Variants in EXOC6B observed in about 807,000 individuals in gnomAD.
EXOC6B encodes the protein SEC15 homolog B.
In EXOC6B, 54 loss-of-function variants were observed where a neutral mutation model predicts 113.5. The observed-to-expected ratio is 0.48, with a 90% CI of 0.38 to 0.60. EXOC6B has a LOEUF of 0.60. Among genes scored for constraint, EXOC6B ranks in the 20% least tolerant of loss-of-function variants. EXOC6B has a pLI of 0.00. For synonymous variants in EXOC6B, 357 were observed against 339.0 expected (o/e 1.05, Z -0.58); for missense variants, 797 against 977.5 (o/e 0.82, Z 2.46).
chr2:72,563,000 A>C (rs1483770841), intron 7 of EXOC6B, among the ~76,000 whole-genome samples: 2 of 152,244 alleles, frequency 1.3e-5, no homozygotes, highest in East Asian at 3.9e-4. Flanking sequence ...CTGAATGGAG[A>C]GCATTAGTGC....
chr2:72,606,792 G>A (rs546241645), intron 6 of EXOC6B, among the ~76,000 whole-genome samples: 57 of 151,798 alleles, frequency 3.8e-4, no homozygotes, highest in Non-Finnish European at 5.9e-4. Context: ...TGTATTTTTA[G>A]TAGGGACAGG....
At chr2:72,670,534 A>G (rs1218630315) in intron 6 of EXOC6B, among the ~76,000 whole-genome samples, 3 of 152,128 alleles carry the variant, frequency 2.0e-5, no homozygotes, top group African/African-American at 7.2e-5. Context: ...AGCCTTCCTA[A>G]AAGATAAGTT....
intron 6 of EXOC6B, among the ~76,000 whole-genome samples, chr2:72,698,050 T>G (rs1173957249): frequency 6.6e-6 from 1 of 152,142 alleles, no homozygotes; most frequent in African/African-American, 2.4e-5. Flanking sequence ...ATGTGGTGGT[T>G]TGGTGATGGG....
chr2:72,679,666 G>T (rs368772602), intron 6 of EXOC6B, among the ~76,000 whole-genome samples: 1 of 152,146 alleles, frequency 6.6e-6, no homozygotes, highest in Non-Finnish European at 1.5e-5. Flanking sequence ...AGCAAAGTGT[G>T]CATTCATAAT....
chr2:72,553,968 T>G (rs538920438), intron 8 of EXOC6B, among the ~76,000 whole-genome samples: 1 of 152,118 alleles, frequency 6.6e-6, no homozygotes, highest in Non-Finnish European at 1.5e-5. Context: ...AGAAGAATGG[T>G]GAAATCATTG....
intron 18 of EXOC6B, among the ~76,000 whole-genome samples, chr2:72,401,814 T>C (rs1693353368): frequency 6.8e-6 from 1 of 147,474 alleles, no homozygotes; most frequent in Non-Finnish European, 1.5e-5. Context: ...CCAGAAACAT[T>C]ATAGCATAAA....
intron 6 of EXOC6B, among the ~76,000 whole-genome samples, chr2:72,659,843 T>C (rs1674876672): frequency 6.6e-6 from 1 of 152,182 alleles, no homozygotes; most frequent in Non-Finnish European, 1.5e-5. Flanking sequence ...ATAAATACAA[T>C]TCTTAAAAGA....
chr2:72,224,994 G>GTGTGTATATATA (rs908047817), intron 20 of EXOC6B, among the ~76,000 whole-genome samples: 9 of 137,252 alleles, frequency 6.6e-5, no homozygotes, highest in African/African-American at 1.1e-4. Context: ...GTGTGTGTGT[G>GTGTGTATATATA]TATATATATA....
At chr2:72,593,063 A>T (rs1420996866) in intron 6 of EXOC6B, among the ~76,000 whole-genome samples, 2 of 152,140 alleles carry the variant, frequency 1.3e-5, no homozygotes, top group African/African-American at 4.8e-5. Flanking sequence ...CTCCAAAAAA[A>T]CCGTAAACAA....
In EXOC6B at chr2:72,184,099, A is replaced by G; in HGVS notation, c.2285T>C (p.Val762Ala). The G allele has an allele frequency of 6.4e-7, 1 of 1,563,596 alleles. No individual in the cohort carries two copies. Among genetic ancestry groups the G allele is most frequent in the Non-Finnish European group, 8.7e-7 (1 of 1,152,776 alleles). ...CTTCTCAAGCAGGGTCAGAGCAGTC[A>G]CTGGGTTTACCCGGAGGTACTTGCA... ...PNCKYLRVNPVTALTLLEKMK... is the reference protein window; with the variant it reads ...PNCKYLRVNPATALTLLEKMK... Residue 762 changes from valine to alanine, a missense_variant, in exon 21 of 22, where the codon GTG becomes GCG. Val to Ala is a moderately conservative substitution (Grantham distance 64, BLOSUM62 0). Coordinates refer to ENST00000272427, the MANE Select transcript of EXOC6B (RefSeq NM_015189.3).
chr2:72,395,899 CCTT>C (rs1692696717), intron 18 of EXOC6B, among the ~76,000 whole-genome samples: 1 of 151,828 alleles, frequency 6.6e-6, no homozygotes, highest in African/African-American at 2.4e-5. Flanking sequence ...ATAATAGATA[CCTT>C]ATTATAAAAT....
chr2:72,427,523 C>T (rs1695270328), intron 18 of EXOC6B, among the ~76,000 whole-genome samples: 1 of 152,206 alleles, frequency 6.6e-6, no homozygotes, highest in African/African-American at 2.4e-5. Context: ...ATGGTGTGTA[C>T]ATGTTCGGGA....
rs553609726 is a variant in EXOC6B, at chr2:72,790,173, CA to C, written c.113+35624del. ...ATAAGGGTATTTCCAGCCTCTAACA[CA>C]AAAAACACTTCCACCCAAGGTAACA... On this transcript the variant is annotated intron_variant, in intron 1 of 21. Transcript: ENST00000272427. Among the ~76,000 whole-genome samples, 34 of 152,164 alleles carry C rather than the reference CA, an allele frequency of 2.2e-4. 1 individual carries two copies. Among genetic ancestry groups the C allele is most frequent in the Middle Eastern group, 3.4e-3 (1 of 294 alleles).
chr2:72,621,516 G>T (rs970287037), intron 6 of EXOC6B, among the ~76,000 whole-genome samples: 2 of 152,150 alleles, frequency 1.3e-5, no homozygotes, highest in Non-Finnish European at 2.9e-5. Flanking sequence ...GGGGAAATTA[G>T]GGAGGGGGAT....
At chr2:72,711,747 C>G (rs979904307) in intron 6 of EXOC6B, among the ~76,000 whole-genome samples, 1 of 151,930 alleles carries the variant, frequency 6.6e-6, no homozygotes, top group Non-Finnish European at 1.5e-5. Context: ...CAGTCAATAC[C>G]CACAGTAAAT....
At chr2:72,442,587 T>C (rs963499924) in intron 18 of EXOC6B, among the ~76,000 whole-genome samples, 1 of 152,156 alleles carries the variant, frequency 6.6e-6, no homozygotes, top group Non-Finnish European at 1.5e-5. Flanking sequence ...AGCATTTCTA[T>C]ACACCAACAA....
chr2:72,689,607 C>T (rs1677339023), intron 6 of EXOC6B, among the ~76,000 whole-genome samples: 1 of 152,264 alleles, frequency 6.6e-6, no homozygotes, highest in Admixed American at 6.5e-5. Context: ...TGAATCAATG[C>T]TCCTTTCTGA....
At chr2:72,767,898 C>T (rs1490803190) in intron 1 of EXOC6B, among the ~76,000 whole-genome samples, 5 of 146,902 alleles carry the variant, frequency 3.4e-5, no homozygotes, top group African/African-American at 1.3e-4. Context: ...GGCGGATCGC[C>T]TGAGGTCAGG....
At chr2:72,706,563 C>G (rs1248317621) in intron 6 of EXOC6B, among the ~76,000 whole-genome samples, 1 of 152,052 alleles carries the variant, frequency 6.6e-6, no homozygotes, top group Admixed American at 6.6e-5. Flanking sequence ...TTTTTAGAGA[C>G]AGGGTCTCAC....
Sources: allele counts gnomAD v4.1 joint callset (sites outside exome capture counted in the v4.1 genomes callset), GRCh38; gene constraint gnomAD v4.1.1; transcripts MANE v1.5; gene names NCBI Gene and HGNC (gene_info 2026-07-23, HGNC 2026-07-21).